The following DMD variants were observed in gnomAD, a reference collection of about 807,000 sequenced individuals.
The protein encoded by DMD is mutant dystrophin.
DMD carries 63 observed loss-of-function variants against 330.1 expected under a neutral mutation model. That is an observed-to-expected ratio of 0.19 (90% CI 0.16 to 0.24). DMD has a LOEUF of 0.24. Ranked by LOEUF, DMD falls within the 10% of genes least tolerant of loss-of-function variation. The pLI is 1.00. For missense variants in DMD, 3,344 were observed against 2,684.1 expected (o/e 1.25, Z -5.43); for synonymous variants, 1,223 against 959.8 (o/e 1.27, Z -5.07).
chrX:31,305,358 A>C (rs916141263), intron 62 of DMD, among the ~76,000 whole-genome samples: 10 of 111,641 alleles, frequency 9.0e-5, no homozygotes, highest in African/African-American at 2.9e-4. Context: ...TGGAACACTA[A>C]AACTTGATTT....
intron 55 of DMD, among the ~76,000 whole-genome samples, chrX:31,546,465 T>G (rs1376885995): frequency 8.9e-6 from 1 of 112,190 alleles, no homozygotes; most frequent in East Asian, 2.8e-4. Context: ...AGCTGGTACC[T>G]AAGAATTGCT....
chrX:33,081,961 G>GTT (rs766149450), intron 1 of DMD, among the ~76,000 whole-genome samples: 7 of 98,942 alleles, frequency 7.1e-5, no homozygotes, highest in Admixed American at 1.1e-4. Context: ...GTGGAAAACA[G>GTT]TTTTTTTTTT....
At chrX:32,684,153 A>G (rs1321448120) in intron 9 of DMD, among the ~76,000 whole-genome samples, 1 of 110,161 alleles carries the variant, frequency 9.1e-6, no homozygotes, top group African/African-American at 3.3e-5. Flanking sequence ...CCATATGTAT[A>G]ACTTCGAATA....
chrX:32,005,073 T>G (rs2095652385), intron 44 of DMD, among the ~76,000 whole-genome samples: 1 of 111,468 alleles, frequency 9.0e-6, no homozygotes, highest in South Asian at 3.8e-4. Context: ...TGCTGAGCAG[T>G]GCCATACCAG....
intron 44 of DMD, among the ~76,000 whole-genome samples, chrX:32,156,504 T>A (rs916355486): frequency 8.9e-6 from 1 of 112,227 alleles, no homozygotes; most frequent in Non-Finnish European, 1.9e-5. Flanking sequence ...ATCATAATAG[T>A]TCATTATAAT....
intron 13 of DMD, among the ~76,000 whole-genome samples, chrX:32,592,382 C>T (rs192678875): frequency 6.8e-4 from 75 of 111,067 alleles, no homozygotes; most frequent in Non-Finnish European, 1.1e-3. Flanking sequence ...GACTACCAGC[C>T]GCAGGAAGGA....
intron 12 of DMD, among the ~76,000 whole-genome samples, chrX:32,610,915 T>TA (rs1357807427): frequency 1.8e-5 from 2 of 111,137 alleles, no homozygotes; most frequent in African/African-American, 3.3e-5. Context: ...AACGACTATA[T>TA]AAATAAGGCT....
chrX:32,297,013 C>T (rs936092435), intron 42 of DMD, among the ~76,000 whole-genome samples: 4 of 110,613 alleles, frequency 3.6e-5, no homozygotes, highest in Non-Finnish European at 7.6e-5. Context: ...AAGGAAATTC[C>T]TATTCACTCA....
chrX:32,789,413 G>T (rs931511808), intron 7 of DMD, among the ~76,000 whole-genome samples: 3 of 111,918 alleles, frequency 2.7e-5, no homozygotes, highest in African/African-American at 6.5e-5. Flanking sequence ...AGAAACAATT[G>T]TTCCATTGTA....
At chrX:31,591,796 G>C (rs2076885359) in intron 55 of DMD, among the ~76,000 whole-genome samples, 1 of 111,104 alleles carries the variant, frequency 9.0e-6, no homozygotes, top group East Asian at 2.8e-4. Context: ...TTGTATTTCT[G>C]ATTTTTTTCT....
chrX:32,731,083 G>A (rs1424912556), intron 7 of DMD, among the ~76,000 whole-genome samples: 1 of 111,999 alleles, frequency 8.9e-6, no homozygotes, highest in Non-Finnish European at 1.9e-5. Flanking sequence ...GCAGGGTGAG[G>A]CATTGCCTCA....
intron 15 of DMD, among the ~76,000 whole-genome samples, chrX:32,572,070 A>G (rs753568651): frequency 1.5e-4 from 17 of 112,113 alleles, no homozygotes; most frequent in Non-Finnish European, 2.6e-4. Flanking sequence ...AAACATATAC[A>G]GGTTACTTTT....
chrX:31,588,966 C>T (rs779723297), intron 55 of DMD, among the ~76,000 whole-genome samples: 2 of 105,369 alleles, frequency 1.9e-5, no homozygotes, highest in East Asian at 6.0e-4. Context: ...TTCAACTGGG[C>T]TTCAATAACT....
At chrX:31,599,293 A>G (rs2041652196) in intron 55 of DMD, among the ~76,000 whole-genome samples, 1 of 112,060 alleles carries the variant, frequency 8.9e-6, no homozygotes, top group Admixed American at 9.5e-5. Flanking sequence ...AGAGAAGCCT[A>G]CAGTCTCGAA....
chrX:32,252,929 AATAT>A (rs1416762948), intron 43 of DMD, among the ~76,000 whole-genome samples: 2 of 84,637 alleles, frequency 2.4e-5, no homozygotes, highest in Non-Finnish European at 4.3e-5. Flanking sequence ...TAGATATATA[AATAT>A]ATATATACAT....
At chrX:32,501,371 A>AAACATATTG (rs1431629595) in intron 19 of DMD, among the ~76,000 whole-genome samples, 1 of 112,137 alleles carries the variant, frequency 8.9e-6, no homozygotes, top group Non-Finnish European at 1.9e-5. Context: ...GTGTTTGGAA[A>AAACATATTG]AACATATTGC....
intron 50 of DMD, among the ~76,000 whole-genome samples, chrX:31,784,627 T>A (rs2091197902): frequency 8.9e-6 from 1 of 111,789 alleles, no homozygotes; most frequent in Non-Finnish European, 1.9e-5. Context: ...GAAACCATAC[T>A]TCAAATTTTG....
chrX:32,397,672 C>CA (rs962580897), intron 30 of DMD, among the ~76,000 whole-genome samples: 2 of 110,976 alleles, frequency 1.8e-5, no homozygotes, highest in Non-Finnish European at 3.8e-5. Flanking sequence ...ATTATAGAAC[C>CA]AAAAAATCAT....
intron 1 of DMD, among the ~76,000 whole-genome samples, chrX:33,111,914 T>G (rs1370197548): frequency 8.9e-6 from 1 of 111,793 alleles, no homozygotes; most frequent in Non-Finnish European, 1.9e-5. Context: ...CTTGGCTTAA[T>G]GTGTTTTAAT....
Sources: allele counts gnomAD v4.1 joint callset (sites outside exome capture counted in the v4.1 genomes callset), GRCh38; gene constraint gnomAD v4.1.1; transcripts MANE v1.5; gene names NCBI Gene and HGNC (gene_info 2026-07-23, HGNC 2026-07-21).